SEPTIN7: variants seen among roughly 807,000 people sequenced by gnomAD.
SEPTIN7 encodes septin 7.
Under a neutral mutation model 63.3 loss-of-function variants are expected in SEPTIN7, and 10 were observed. The ratio of observed to expected loss-of-function variants is 0.16; its 90% confidence interval spans 0.10 to 0.27. SEPTIN7 has a LOEUF of 0.27. SEPTIN7 is among the 10% of genes least tolerant of loss of function. The probability of loss-of-function intolerance (pLI) is 1.00; values close to 1 mark genes in which losing one functional copy is unlikely to be tolerated. For synonymous variants in SEPTIN7, 131 were observed against 165.3 expected, an observed-to-expected ratio of 0.79 and a Z score of 1.59; for missense variants, 310 against 521.0, an observed-to-expected ratio of 0.59 and a Z score of 3.94.
At chr7:35,806,242 CT>C (rs1485216490) in intron 1 of SEPTIN7, among the ~76,000 whole-genome samples, 4 of 152,168 alleles carry the variant, frequency 2.6e-5, no homozygotes, top group Admixed American at 2.6e-4. Context: ...ACTCCTACCA[CT>C]TAATATTCTT....
intron 3 of SEPTIN7, among the ~76,000 whole-genome samples, chr7:35,836,939 T>C (rs1275150445): frequency 6.8e-6 from 1 of 147,756 alleles, no homozygotes; most frequent in African/African-American, 2.7e-5. Context: ...AGAAGTAACT[T>C]AACTGATAAT....
intron 6 of SEPTIN7, among the ~76,000 whole-genome samples, chr7:35,877,259 AG>A (rs1786527943): frequency 6.6e-6 from 1 of 152,160 alleles, no homozygotes; most frequent in Non-Finnish European, 1.5e-5. Flanking sequence ...GTCAATTTTC[AG>A]GGGATTTAAG....
Position 35,872,710 on chromosome 7 carries a change from G to C in SEPTIN7, c.321G>C (p.Leu107Phe), listed in dbSNP as rs574634510. The C allele has an allele frequency of 6.2e-7, 1 of 1,612,830 alleles. No homozygotes were observed. The highest frequency in any genetic ancestry group is 8.5e-7 in the Non-Finnish European group (1 of 1,178,948). Residue 107 changes from leucine to phenylalanine, a missense_variant, in exon 5 of 14, where the codon TTG becomes TTC. Physicochemically the swap from Leu to Phe is conservative, Grantham distance 22. Coordinates refer to ENST00000350320, the MANE Select transcript of SEPTIN7 (RefSeq NM_001788.6). ...TAATCAAAGAAGGTGGTGTTCAGTT[G>C]CTGCTCACAATAGTTGATACCCCAG... is the stretch of plus-strand genomic sequence containing the variant. Reference protein sequence around the residue: ...KVLIKEGGVQLLLTIVDTPGF... With the variant: ...KVLIKEGGVQFLLTIVDTPGF...
At chr7:35,818,573 C>T (rs1296867611) in intron 1 of SEPTIN7, among the ~76,000 whole-genome samples, 3 of 151,934 alleles carry the variant, frequency 2.0e-5, no homozygotes, top group African/African-American at 7.2e-5. Context: ...GTGAAGACAT[C>T]TGGGTATGGG....
rs1373165881 is a variant in SEPTIN7, at chr7:35,816,502, T to C, written c.62-14990T>C. Among the ~76,000 whole-genome samples, 5 of 152,200 alleles carry C rather than the reference T, an allele frequency of 3.3e-5. No homozygotes were observed. In the East Asian group the frequency reaches 9.6e-4, roughly 29 times the overall value. On this transcript the variant is annotated intron_variant, in intron 1 of 13. Coordinates refer to ENST00000350320, the MANE Select transcript of SEPTIN7 (RefSeq NM_001788.6). ...GTTGATATTTGGGTTGTTTTCTACT[T>C]TTTGACTATTATGGATAATGCTGCT... is the stretch of plus-strand genomic sequence containing the variant.
At chr7:35,868,791 A>G (rs556013546) in intron 4 of SEPTIN7, among the ~76,000 whole-genome samples, 18 of 152,350 alleles carry the variant, frequency 1.2e-4, no homozygotes, top group Admixed American at 1.2e-3. Context: ...TAAAATGGAA[A>G]TTAATCAGTT....
At chr7:35,865,043 C>A (rs1411772862) in intron 4 of SEPTIN7, among the ~76,000 whole-genome samples, 1 of 147,030 alleles carries the variant, frequency 6.8e-6, no homozygotes, top group Non-Finnish European at 1.5e-5. Flanking sequence ...TTTTTGGTAA[C>A]CTTTATAGGG....
chr7:35,841,150 G>A (rs1352709728), intron 3 of SEPTIN7, among the ~76,000 whole-genome samples: 1 of 152,032 alleles, frequency 6.6e-6, no homozygotes, highest in African/African-American at 2.4e-5. Flanking sequence ...GAACCCGGGA[G>A]GCAGGGGTTG....
chr7:35,869,360 G>A (rs778796660), intron 4 of SEPTIN7, among the ~76,000 whole-genome samples: 3 of 152,118 alleles, frequency 2.0e-5, no homozygotes, highest in Non-Finnish European at 2.9e-5. Context: ...TGTGGAACAC[G>A]ATGAAACATG....
At chr7:35,890,620 C>G in intron 10 of SEPTIN7, 48 bp from the exon 11 acceptor site, 1 of 1,357,856 alleles carries the variant, frequency 7.4e-7, no homozygotes, top group South Asian at 2.2e-5. Context: ...AAGCTTTTTT[C>G]CCCCTAGCTA....
chr7:35,908,594 C>G (rs918416825), downstream of SEPTIN7, among the ~76,000 whole-genome samples: 4 of 152,188 alleles, frequency 2.6e-5, no homozygotes, highest in South Asian at 2.1e-4. Flanking sequence ...TAGCTGACAC[C>G]TCTGAGAGCA....
intron 4 of SEPTIN7, among the ~76,000 whole-genome samples, chr7:35,868,090 G>A (rs1033165835): frequency 2.0e-5 from 3 of 151,946 alleles, no homozygotes; most frequent in Admixed American, 6.6e-5. Context: ...GGCTGGTCTC[G>A]AACTCCCGAC....
chr7:35,912,331 C>A, the SEPTIN7 span, among the ~76,000 whole-genome samples: 1 of 152,250 alleles, frequency 6.6e-6, no homozygotes, highest in African/African-American at 2.4e-5. Context: ...CATGAGCGAT[C>A]TGTGCCTAAA....
rs112006806 is a variant in SEPTIN7, at chr7:35,830,943, C to T, written c.62-549C>T. Among the ~76,000 whole-genome samples the T allele has an allele frequency of 5.7e-3, 862 of 152,214 alleles. 6 individuals are homozygous for T. Among genetic ancestry groups the T allele is most frequent in the Non-Finnish European group, 9.6e-3 (655 of 68,000 alleles). On this transcript the variant is annotated intron_variant, in intron 1 of 13. Coordinates refer to ENST00000350320, the MANE Select transcript of SEPTIN7 (RefSeq NM_001788.6). ...CTGGACTTCAGTTTAATTAATAGAA[C>T]TTGAAATACAGCATTGTATAAAAAG... is the stretch of plus-strand genomic sequence containing the variant.
intron 3 of SEPTIN7, among the ~76,000 whole-genome samples, chr7:35,844,916 A>C (rs1218401130): frequency 6.6e-6 from 1 of 152,106 alleles, no homozygotes; most frequent in Non-Finnish European, 1.5e-5. Context: ...TAATCCAAGC[A>C]TTGTGTTGTG....
intron 13 of SEPTIN7, 53 bp from the exon 14 acceptor site, chr7:35,904,201 A>G (rs1788487678): frequency 8.8e-6 from 12 of 1,356,724 alleles, no homozygotes; most frequent in South Asian, 4.3e-5. Context: ...CATGTTGTCT[A>G]TCATGTTTAT....
At position 35,831,485 on chromosome 7, in the gene SEPTIN7, T is replaced by C; in HGVS notation, c.62-7T>C. 1 of 481,006 alleles carries C rather than the reference T, an allele frequency of 2.1e-6. No homozygotes were observed. The highest frequency in any genetic ancestry group is 4.1e-6 in the Non-Finnish European group (1 of 241,662). The allele number at this position is 481,006 out of a possible 1,614,324, so 29.8% of individuals were successfully genotyped here. A position where few individuals can be genotyped will look rare whatever the true frequency, so the allele number is the denominator to read the frequency against. ...ACTGGAATGATGGAAATGTGTTCTT[T>C]ACAAAGTAGCTGTGAGTATACTACA... is the stretch of plus-strand genomic sequence containing the variant. On this transcript the variant is annotated splice_polypyrimidine_tract_variant and splice_region_variant and intron_variant, in intron 1 of 13. Coordinates refer to ENST00000350320, the MANE Select transcript of SEPTIN7 (RefSeq NM_001788.6).
intron 8 of SEPTIN7, among the ~76,000 whole-genome samples, chr7:35,882,992 G>T (rs1291494034): frequency 6.6e-6 from 1 of 152,092 alleles, no homozygotes; most frequent in Non-Finnish European, 1.5e-5. Flanking sequence ...CTGTAGCATT[G>T]TAGGGTGGCT....
At chr7:35,910,323 C>T (rs537441031), downstream of SEPTIN7, among the ~76,000 whole-genome samples, 3 of 152,304 alleles carry the variant, frequency 2.0e-5, no homozygotes, top group South Asian at 6.2e-4. Context: ...ATTTGGCAAA[C>T]CCATTTAGCT....
Sources: gnomAD v4.1 joint callset for allele counts (sites outside exome capture counted in the v4.1 genomes callset) on GRCh38, gnomAD v4.1.1 for gene constraint, MANE v1.5 for transcripts, NCBI Gene and HGNC (gene_info 2026-07-23, HGNC 2026-07-21) for gene names.